STX4: variants seen among roughly 807,000 people sequenced by gnomAD.
The protein encoded by STX4 is syntaxin-4.
A neutral mutation model predicts 41.8 loss-of-function variants in STX4; 24 were observed. The ratio of observed to expected loss-of-function variants is 0.57; its 90% confidence interval spans 0.42 to 0.81. STX4 has a LOEUF of 0.81. STX4 is among the 30% of genes least tolerant of loss of function. The probability of loss-of-function intolerance (pLI) is 0.00; values close to 1 mark genes in which losing one functional copy is unlikely to be tolerated. For synonymous variants in STX4, 158 were observed against 156.4 expected, an observed-to-expected ratio of 1.01 and a Z score of -0.08; for missense variants, 316 against 389.9, an observed-to-expected ratio of 0.81 and a Z score of 1.60.
intron 5 of STX4, among the ~76,000 whole-genome samples, chr16:31,036,317 A>G (rs1171900713): frequency 6.6e-6 from 1 of 152,098 alleles, no homozygotes; most frequent in Admixed American, 6.6e-5. Context: ...GCCTCAGAAG[A>G]AGGGGCAAGG....
Position 31,039,841 on chromosome 16 carries a change from CT to C in STX4, c.*15+24del. 1 of 1,608,468 alleles carries C rather than the reference CT, an allele frequency of 6.2e-7. No homozygotes were observed. Among genetic ancestry groups the C allele is most frequent in the Non-Finnish European group, 8.5e-7 (1 of 1,174,966 alleles). On this transcript the variant is annotated intron_variant, in intron 10 of 10. Transcript: ENST00000313843. The surrounding 1 kb of genome is among the most constrained non-coding windows in gnomAD (Gnocchi z 4.1). The stretch of plus-strand genomic sequence containing the variant: ...TTGGTGAGATGTTGTGGGCTGCCCC[CT>C]GGCCTGCCCCAGCCCTGGCCCCAGC...
chr16:31,033,595 A>T lies in STX4; in HGVS notation c.-211A>T, dbSNP rs2056772446. On this transcript the variant is annotated 5_prime_UTR_variant, in exon 1 of 11. Transcript: ENST00000313843. The surrounding 1 kb of genome is among the most constrained non-coding windows in gnomAD (Gnocchi z 5.5). Reference sequence around the variant, plus strand: ...GGAGCTGGAGCGGGGAAGAAAAGGGAATTCCAACCTGTGGAACCTTGGGGG... The same window carrying T: ...GGAGCTGGAGCGGGGAAGAAAAGGGTATTCCAACCTGTGGAACCTTGGGGG... 6 of 1,521,084 alleles carry T rather than the reference A, an allele frequency of 3.9e-6. No individual in the cohort carries two copies. The highest frequency in any genetic ancestry group is 5.3e-6 in the Non-Finnish European group (6 of 1,132,536). The allele number at this position is 1,521,084 out of a possible 1,614,324, so 94.2% of individuals were successfully genotyped here.
rs2056832391 is a variant in STX4, at chr16:31,040,072, C to T, written c.*176C>T. On this transcript the variant is annotated 3_prime_UTR_variant, in exon 11 of 11. Transcript: ENST00000313843. ...GCTGCTCATTCATGATGGCCTCCTC[C>T]TTCAGGCCTCAATGCCTGGGGGAGG... The T allele has an allele frequency of 1.8e-6, 1 of 545,302 alleles. No homozygotes were observed. The highest frequency in any genetic ancestry group is 2.1e-5 in the South Asian group (1 of 47,662). The allele number at this position is 545,302 out of a possible 1,614,324, so 33.8% of individuals were successfully genotyped here.
intron 6 of STX4, 27 bp downstream of exon 6, chr16:31,038,061 C>T (rs1373596138): frequency 1.6e-5 from 26 of 1,614,014 alleles, no homozygotes; most frequent in South Asian, 5.5e-5. Context: ...CAGCCTGGCC[C>T]GCAGGGGCAG....
chr16:31,033,173 G>T, upstream of STX4: 1 of 587,280 alleles, frequency 1.7e-6, no homozygotes. This position sits in a 1 kb window ranked among gnomAD's most constrained non-coding sequence, Gnocchi z 5.5. Flanking sequence ...GCGTCGCTCG[G>T]TCGTTGGGGT....
At chr16:31,033,521 A>C (rs1315354217), upstream of STX4, 10 of 1,550,232 alleles carry the variant, frequency 6.5e-6, no homozygotes, top group South Asian at 1.2e-5. This position sits in a 1 kb window ranked among gnomAD's most constrained non-coding sequence, Gnocchi z 5.5. Flanking sequence ...AGACGCGACC[A>C]TGTGCGCATG....
In STX4 at chr16:31,038,141, A is replaced by C. The variant is rs1329712277; in HGVS notation, c.515A>C (p.Glu172Ala). The change falls in exon 7 of 11, where the codon GAG (glutamate) becomes GCG (alanine). Residue 172 changes from glutamate (E) to alanine (A), a missense_variant. Glu to Ala is a moderately radical substitution (Grantham distance 107). Transcript: ENST00000313843. ...ITNAGMVSDE[E>A]LEQMLDSGQS... ...AATGCTGGGATGGTGTCTGATGAGGAGTTGGAGCAGATGCTGGACAGTGGG... is the reference window on the plus strand; with the variant it reads ...AATGCTGGGATGGTGTCTGATGAGGCGTTGGAGCAGATGCTGGACAGTGGG... 2 of 1,613,904 alleles carry C rather than the reference A, an allele frequency of 1.2e-6. No individual in the cohort carries two copies. Among genetic ancestry groups the C allele is most frequent in the African/African-American group, 2.7e-5 (2 of 74,862 alleles).
At position 31,034,102 on chromosome 16, in the gene STX4, GTT is replaced by G. The variant is rs770799322; in HGVS notation, c.121_122del (p.Phe41LeufsTer17). ...CACGGCTGGGGAGCCCGGACGAGGA[GTT>G]CTTCCACAAGGTAAGGGGCTGGGGT... ...TARLGSPDEE[F>X]FHKVRTIRQT... On this transcript the variant is annotated frameshift_variant, in exon 2 of 11. Transcript: ENST00000313843. LOFTEE classifies it high-confidence loss of function. 6.2e-7 allele frequency: 1 copy of G among 1,609,204 alleles called. No homozygotes were observed. Among genetic ancestry groups the G allele is most frequent in the African/African-American group, 1.3e-5 (1 of 74,828 alleles).
At chr16:31,033,243 G>A (rs1370050703), upstream of STX4, 3 of 669,120 alleles carry the variant, frequency 4.5e-6, no homozygotes, top group South Asian at 3.1e-5. This position sits in a 1 kb window ranked among gnomAD's most constrained non-coding sequence, Gnocchi z 5.5. Flanking sequence ...GCCGGGACAC[G>A]TGACAGTCAC....
upstream of STX4, chr16:31,033,174 T>G: frequency 1.7e-6 from 1 of 579,334 alleles, no homozygotes; most frequent in Non-Finnish European, 3.4e-6. This position sits in a 1 kb window ranked among gnomAD's most constrained non-coding sequence, Gnocchi z 5.5. Flanking sequence ...CGTCGCTCGG[T>G]CGTTGGGGTG....
intron 8 of STX4, 124 bp downstream of exon 8, chr16:31,038,771 G>T: frequency 3.9e-6 from 5 of 1,283,414 alleles, no homozygotes; most frequent in Non-Finnish European, 5.4e-6. Flanking sequence ...CCCCCAGATT[G>T]GTGCTTATTC....
chr16:31,034,525 T>A lies in STX4; in HGVS notation c.296T>A (p.Leu99Gln). 1 of 1,596,496 alleles carries A rather than the reference T, an allele frequency of 6.3e-7. No homozygotes were observed. Among genetic ancestry groups the A allele is most frequent in the Non-Finnish European group, 8.5e-7 (1 of 1,169,834 alleles). The change falls in exon 4 of 11, where the codon CTG becomes CAG. Residue 99 changes from leucine to glutamine, a missense_variant. Transcript: ENST00000313843. ...AAACAGCTGGGGAGGGAGATCCGCC[T>A]GCAGCTGAAGGGTGAGCTCCTGGGA... ...EIKQLGREIR[L>Q]QLKAIEPQKE...
chr16:31,039,021 C>G lies in STX4; in HGVS notation c.702+374C>G. 3.9e-6 allele frequency: 1 copy of G among 256,722 alleles called. No homozygotes were observed. The highest frequency in any genetic ancestry group is 7.7e-6 in the Non-Finnish European group (1 of 130,552). The allele number at this position is 256,722 out of a possible 1,614,324, so 15.9% of individuals were successfully genotyped here. On this transcript the variant is annotated intron_variant, in intron 8 of 10. Transcript: ENST00000313843. The surrounding 1 kb of genome is among the most constrained non-coding windows in gnomAD (Gnocchi z 4.1). Reference sequence around the variant, plus strand: ...AAGGCTGGGGTGGGGGCGGCGTTCCCCTGGCCCTGGTTGTGAGTTGAGTTG... The same window carrying G: ...AAGGCTGGGGTGGGGGCGGCGTTCCGCTGGCCCTGGTTGTGAGTTGAGTTG...
Position 31,038,027 on chromosome 16 carries a change from G to A in STX4, c.480G>A (p.Leu160=). The A allele has an allele frequency of 3.7e-6, 6 of 1,614,230 alleles. No individual in the cohort carries two copies. Among genetic ancestry groups the A allele is most frequent in the Non-Finnish European group, 5.1e-6 (6 of 1,180,046 alleles). ...ACGTGGAGCGGATTCGGAGGCAGCT[G>A]AAGATCAGTGAGTTGTGCATGCCCA... The part of the protein sequence containing the change: ...EKNVERIRRQ[L]KITNAGMVSD... The change falls in exon 6 of 11, where the codon CTG becomes CTA. Residue 160 remains leucine (L), a synonymous_variant. Transcript: ENST00000313843.
Position 31,040,061 on chromosome 16 carries a change from A to G in STX4, c.*165A>G, listed in dbSNP as rs2143730790. On this transcript the variant is annotated 3_prime_UTR_variant, in exon 11 of 11. Transcript: ENST00000313843. ...TGGGGTTGGCAGCTGCTCATTCATG[A>G]TGGCCTCCTCCTTCAGGCCTCAATG... 1.8e-6 allele frequency: 1 copy of G among 557,622 alleles called. No individual in the cohort carries two copies. The highest frequency in any genetic ancestry group is 3.2e-6 in the Non-Finnish European group (1 of 310,460). 34.5% of individuals were successfully genotyped at this position (557,622 alleles called of 1,614,324 possible). A position where few individuals can be genotyped will look rare whatever the true frequency, so the allele number is the denominator to read the frequency against.
upstream of STX4, chr16:31,033,536 G>T (rs1331276648): frequency 1.9e-6 from 3 of 1,549,324 alleles, no homozygotes; most frequent in Admixed American, 2.0e-5. The surrounding 1 kb of genome is among the most constrained non-coding windows in gnomAD (Gnocchi z 5.5). Context: ...CGCATGCCCC[G>T]AATTTATCAC....
Position 31,038,655 on chromosome 16 carries a change from C to T in STX4, c.702+8C>T, listed in dbSNP as rs758942385. ...ACCGAAGTGGAGATGCAGGTGGGTG[C>T]CCCGCGCAGCCCCAGACGTGAGACC... is the stretch of plus-strand genomic sequence containing the variant. On this transcript the variant is annotated splice_region_variant and intron_variant, in intron 8 of 10. Transcript: ENST00000313843. The T allele has an allele frequency of 3.1e-6, 5 of 1,613,374 alleles. No individual in the cohort carries two copies. Among genetic ancestry groups the T allele is most frequent in the Non-Finnish European group, 4.2e-6 (5 of 1,179,782 alleles).
rs2056821705 is a variant in STX4 at position 31,038,652 on chromosome 16, G to C, written c.702+5G>C. ...GCTACCGAAGTGGAGATGCAGGTGG[G>C]TGCCCCGCGCAGCCCCAGACGTGAG... On this transcript the variant is annotated splice_donor_5th_base_variant and intron_variant, in intron 8 of 10. Coordinates refer to ENST00000313843, the MANE Select transcript of STX4 (RefSeq NM_004604.5). The C allele has an allele frequency of 6.2e-7, 1 of 1,612,526 alleles. No homozygotes were observed. The highest frequency in any genetic ancestry group is 8.5e-7 in the Non-Finnish European group (1 of 1,179,530).
At chr16:31,034,364 C>A in intron 3 of STX4, 39 bp downstream of exon 3, 1 of 1,612,920 alleles carries the variant, frequency 6.2e-7, no homozygotes, top group Non-Finnish European at 8.5e-7. Flanking sequence ...TGCTCCGCCC[C>A]AGGGATTGTG....
Sources: allele counts gnomAD v4.1 joint callset (sites outside exome capture counted in the v4.1 genomes callset), GRCh38; gene constraint gnomAD v4.1.1; non-coding constraint Gnocchi (gnomAD v3.1); transcripts MANE v1.5; gene names NCBI Gene and HGNC (gene_info 2026-07-23, HGNC 2026-07-21).